The following LOC400499 variants were observed in gnomAD, a reference collection of about 807,000 sequenced individuals.
At chr16:11,439,075 T>G in the LOC400499 span, among the ~76,000 whole-genome samples, 15 of 152,122 alleles carry the variant, frequency 9.9e-5, no homozygotes, top group Non-Finnish European at 1.9e-4. Context: ...GCCTGCTCAA[T>G]GAAGCCACAA....
the LOC400499 span, among the ~76,000 whole-genome samples, chr16:11,407,575 A>G: frequency 6.6e-6 from 1 of 152,250 alleles, no homozygotes; most frequent in African/African-American, 2.4e-5. Context: ...CCTCCCTGCT[A>G]TAACATTGAC....
the LOC400499 span, among the ~76,000 whole-genome samples, chr16:11,521,578 G>C: frequency 1.3e-5 from 2 of 152,094 alleles, no homozygotes; most frequent in Non-Finnish European, 2.9e-5. Context: ...CTATTCCTTT[G>C]TCCAAAGGCT....
the LOC400499 span, among the ~76,000 whole-genome samples, chr16:11,506,709 G>A: frequency 6.2e-3 from 938 of 152,300 alleles, 3 homozygotes; most frequent in African/African-American, 0.019. Context: ...TGGAAGGCCC[G>A]ACTCGGGGGT....
the LOC400499 span, among the ~76,000 whole-genome samples, chr16:11,405,720 T>TA: frequency 2.2e-4 from 33 of 152,298 alleles, no homozygotes; most frequent in Non-Finnish European, 4.1e-4. Context: ...CCCTGCCCAT[T>TA]ATGGGGCTTC....
chr16:11,399,323 G>A, the LOC400499 span: 3 of 1,073,034 alleles, frequency 2.8e-6, no homozygotes, highest in Non-Finnish European at 3.6e-6. Flanking sequence ...TCACAGATGA[G>A]AACACTAAGG....
At chr16:11,446,519 G>T in the LOC400499 span, 2 of 1,530,578 alleles carry the variant, frequency 1.3e-6, no homozygotes, top group Non-Finnish European at 1.8e-6. Flanking sequence ...GCTGGCTGGG[G>T]TGCAAAAGTC....
chr16:11,395,737 A>C, the LOC400499 span, among the ~76,000 whole-genome samples: 16 of 152,332 alleles, frequency 1.1e-4, no homozygotes, highest in African/African-American at 3.1e-4. Context: ...TCAGCAAACG[A>C]AAGTCACGAG....
At chr16:11,451,811 T>A in the LOC400499 span, among the ~76,000 whole-genome samples, 1 of 152,134 alleles carries the variant, frequency 6.6e-6, no homozygotes, top group Non-Finnish European at 1.5e-5. Flanking sequence ...CAGGCTCAGA[T>A]GCAGGGACAA....
the LOC400499 span, chr16:11,447,873 C>T: frequency 1.4e-6 from 2 of 1,481,292 alleles, no homozygotes; most frequent in Admixed American, 2.2e-5. Context: ...CCTGGGGATG[C>T]TCCGTGCTAG....
chr16:11,391,759 A>G, the LOC400499 span: 1 of 1,232,130 alleles, frequency 8.1e-7, no homozygotes, highest in South Asian at 4.1e-5. Context: ...CGGGCCCACA[A>G]AGTGGCTACT....
the LOC400499 span, chr16:11,390,458 G>C: frequency 8.0e-7 from 1 of 1,243,138 alleles, no homozygotes; most frequent in Non-Finnish European, 1.0e-6. Flanking sequence ...AGTGTGGCCA[G>C]GGGCCCTGCA....
At chr16:11,383,655 A>C in the LOC400499 span, 3 of 1,232,188 alleles carry the variant, frequency 2.4e-6, no homozygotes, top group Non-Finnish European at 3.0e-6. Context: ...ACTGTGGAGG[A>C]GGGGCCAGGG....
At chr16:11,450,561 C>T in the LOC400499 span, 2 of 1,514,194 alleles carry the variant, frequency 1.3e-6, no homozygotes, top group Non-Finnish European at 1.8e-6. Flanking sequence ...AGAAAAAGAT[C>T]TCAGTGGCAG....
At chr16:11,447,407 C>A in the LOC400499 span, among the ~76,000 whole-genome samples, 1 of 152,136 alleles carries the variant, frequency 6.6e-6, no homozygotes, top group African/African-American at 2.4e-5. Flanking sequence ...CGGTTCTCTG[C>A]CATTTTCCAT....
At chr16:11,527,204 G>A in the LOC400499 span, among the ~76,000 whole-genome samples, 7 of 152,176 alleles carry the variant, frequency 4.6e-5, no homozygotes, top group African/African-American at 1.4e-4. Context: ...CGTGCCACCA[G>A]CCTCAGGCTC....
chr16:11,410,755 C>G, the LOC400499 span, among the ~76,000 whole-genome samples: 2 of 152,238 alleles, frequency 1.3e-5, no homozygotes. Context: ...GTGCCAGGCA[C>G]TAGGCATGCC....
the LOC400499 span, among the ~76,000 whole-genome samples, chr16:11,410,363 A>G: frequency 6.6e-6 from 1 of 152,226 alleles, no homozygotes; most frequent in Non-Finnish European, 1.5e-5. Flanking sequence ...CTGGGGCAGG[A>G]GAATCGCTTG....
At chr16:11,397,773 T>TGGAGGGAG in the LOC400499 span, among the ~76,000 whole-genome samples, 327 of 34,652 alleles carry the variant, frequency 9.4e-3, 3 homozygotes, top group African/African-American at 0.037. Flanking sequence ...GAGGGAGGGA[T>TGGAGGGAG]GGAGGGAGGG....
chr16:11,437,585 G>C, the LOC400499 span, among the ~76,000 whole-genome samples: 1 of 151,972 alleles, frequency 6.6e-6, no homozygotes, highest in Non-Finnish European at 1.5e-5. Flanking sequence ...ATTAATGTTT[G>C]AGCTGGGCAC....
Sources: gnomAD v4.1 joint callset for allele counts (sites outside exome capture counted in the v4.1 genomes callset) on GRCh38, gnomAD v4.1.1 for gene constraint, MANE v1.5 for transcripts.